JADE3: variants seen among roughly 807,000 people sequenced by gnomAD.
JADE3 encodes the protein protein Jade-3.
A neutral mutation model predicts 50.1 loss-of-function variants in JADE3; 2 were observed. The ratio of observed to expected loss-of-function variants is 0.04; its 90% CI spans 0.02 to 0.13. JADE3 has a LOEUF of 0.13. Among genes scored for constraint, JADE3 ranks in the 10% least tolerant of loss-of-function variants. JADE3 has a pLI of 1.00. For synonymous variants in JADE3, 218 were observed against 232.9 expected (o/e 0.94, Z 0.58); for missense variants, 475 against 634.4 (o/e 0.75, Z 2.70).
intron 1 of JADE3, among the ~76,000 whole-genome samples, chrX:46,980,504 T>A (rs893691581): frequency 2.0e-4 from 22 of 110,519 alleles, no homozygotes; most frequent in Admixed American, 4.9e-4. Flanking sequence ...GAAGTTTTTT[T>A]AAAAATATAA....
intron 1 of JADE3, among the ~76,000 whole-genome samples, chrX:46,913,892 T>TTG (rs1479580565): frequency 6.4e-5 from 7 of 110,167 alleles, no homozygotes; most frequent in African/African-American, 2.0e-4. Context: ...CGCGAGTTGT[T>TTG]TGTGTGTGTG....
At chrX:47,036,401 C>T (rs1239991028) in intron 7 of JADE3, among the ~76,000 whole-genome samples, 12 of 110,840 alleles carry the variant, frequency 1.1e-4, no homozygotes, top group Non-Finnish European at 1.5e-4. Flanking sequence ...ATCAAAACCA[C>T]GATGAGATAC....
intron 4 of JADE3, among the ~76,000 whole-genome samples, chrX:47,005,492 C>T (rs375884664): frequency 1.3e-3 from 140 of 111,938 alleles, no homozygotes; most frequent in Non-Finnish European, 2.4e-3. Context: ...CCACCCACTT[C>T]GGCCTCCCAA....
intron 1 of JADE3, among the ~76,000 whole-genome samples, chrX:46,982,719 C>G (rs1181568094): frequency 9.0e-6 from 1 of 111,321 alleles, no homozygotes; most frequent in African/African-American, 3.3e-5. Context: ...TGTGTATGCC[C>G]ACAGTCACCC....
chrX:47,006,412 T>C (rs1928421361), intron 4 of JADE3, among the ~76,000 whole-genome samples: 1 of 108,599 alleles, frequency 9.2e-6, no homozygotes, highest in Admixed American at 1.0e-4. Flanking sequence ...GCCTCCTAAG[T>C]AGCTGGGACT....
chrX:46,916,232 C>T (rs1375722992), intron 1 of JADE3, among the ~76,000 whole-genome samples: 1 of 112,321 alleles, frequency 8.9e-6, no homozygotes, highest in Non-Finnish European at 1.9e-5. Flanking sequence ...TCACTATATT[C>T]CCAATTAGTA....
intron 1 of JADE3, among the ~76,000 whole-genome samples, chrX:46,951,444 A>G (rs2147116111): frequency 9.3e-6 from 1 of 107,051 alleles, no homozygotes; most frequent in East Asian, 3.0e-4. Context: ...AAAATTAGCC[A>G]GGCATGGTGG....
intron 7 of JADE3, among the ~76,000 whole-genome samples, chrX:47,034,644 G>A (rs185755135): frequency 0.015 from 1,642 of 109,900 alleles, 31 homozygotes; most frequent in African/African-American, 0.052. Context: ...CTGTCACCCA[G>A]GCTGGAGTGC....
intron 1 of JADE3, among the ~76,000 whole-genome samples, chrX:46,982,450 T>A (rs1927776244): frequency 1.8e-5 from 2 of 111,797 alleles, no homozygotes; most frequent in Non-Finnish European, 1.9e-5. Context: ...TTTTGCCTGT[T>A]AAATCTGACA....
chrX:47,021,983 A>T (rs1928805196), intron 4 of JADE3, among the ~76,000 whole-genome samples: 1 of 111,802 alleles, frequency 8.9e-6, no homozygotes, highest in Non-Finnish European at 1.9e-5. Context: ...TTTGTGTCTT[A>T]TTTAAAATAT....
intron 1 of JADE3, among the ~76,000 whole-genome samples, chrX:46,977,231 A>C (rs1199649779): frequency 2.7e-5 from 3 of 111,360 alleles, no homozygotes; most frequent in Non-Finnish European, 5.7e-5. Flanking sequence ...GTGGCAGAGC[A>C]TGCCTGTAAT....
intron 7 of JADE3, 81 bp from the exon 8 acceptor site, chrX:47,038,868 A>G: frequency 1.9e-6 from 1 of 526,850 alleles, no homozygotes; most frequent in Non-Finnish European, 3.4e-6. Flanking sequence ...TCTTAGCTTT[A>G]TGTAACATCG....
chrX:46,956,354 G>A (rs1556346308), intron 1 of JADE3, among the ~76,000 whole-genome samples: 1 of 111,050 alleles, frequency 9.0e-6, no homozygotes, highest in South Asian at 3.8e-4. Context: ...CTGAGCCACC[G>A]CGCTTGGCCC....
In JADE3 at chrX:47,059,599, T is replaced by C. The variant is rs191789323; in HGVS notation, c.*522T>C. ...TCAAACTCACTACTGTCTTCCTTTG[T>C]TCTGCACAAGGTTGAGTTTCTTTCA... On this transcript the variant is annotated 3_prime_UTR_variant, in exon 11 of 11. Transcript: ENST00000614628. 1 of 112,928 alleles carries C rather than the reference T, an allele frequency of 8.9e-6. No individual in the cohort carries two copies. The highest frequency in any genetic ancestry group is 1.9e-5 in the Non-Finnish European group (1 of 53,774). 9.3% of individuals were successfully genotyped at this position (112,928 alleles called of 1,213,427 possible).
At position 47,029,152 on chromosome X, in the gene JADE3, A is replaced by G. The variant is rs369983780; in HGVS notation, c.687+1049A>G. On this transcript the variant is annotated intron_variant, in intron 6 of 10. Coordinates refer to ENST00000614628, the MANE Select transcript of JADE3 (RefSeq NM_014735.5). ...GTGAAAGAAATATAAGGAAACTGCCAATTTAGCATCATATGCCAAGTGTTT... is the reference window on the plus strand; with the variant it reads ...GTGAAAGAAATATAAGGAAACTGCCGATTTAGCATCATATGCCAAGTGTTT... Among the ~76,000 whole-genome samples, 71 of 111,796 alleles carry G rather than the reference A, an allele frequency of 6.4e-4. No individual in the cohort carries two copies. The South Asian group carries it at 0.024, about 38-fold the overall frequency.
In JADE3 at chrX:47,026,043, C is replaced by G. The variant is rs781922863; in HGVS notation, c.475+1129C>G. On this transcript the variant is annotated intron_variant, in intron 5 of 10. Transcript: ENST00000614628. ...TTTTTGTTTTATGTCTTTTCTTGCT[C>G]TGCCCCCTAAGAGGAGAGGGGAGTG... is the stretch of plus-strand genomic sequence containing the variant. Among the ~76,000 whole-genome samples, 5 of 111,358 alleles carry G rather than the reference C, an allele frequency of 4.5e-5. No individual in the cohort carries two copies. The East Asian group carries it at 1.4e-3, about 31-fold the overall frequency.
At chrX:47,029,106 C>T (rs1928963359) in intron 6 of JADE3, among the ~76,000 whole-genome samples, 2 of 111,428 alleles carry the variant, frequency 1.8e-5, no homozygotes, top group East Asian at 2.8e-4. Context: ...TGGTCTGTGC[C>T]CCCAGGGAGA....
At position 47,059,051 on chromosome X, in the gene JADE3, C is replaced by T; in HGVS notation, c.2446C>T (p.Leu816Phe). The T allele has an allele frequency of 8.3e-7, 1 of 1,199,482 alleles. No homozygotes were observed. Among genetic ancestry groups the T allele is most frequent in the South Asian group, 1.8e-5 (1 of 55,569 alleles). ...DCHGKSKTHPLSHSSMQR is the reference protein window; with the variant it reads ...DCHGKSKTHPFSHSSMQR ...CCATGGTAAAAGCAAGACACATCCC[C>T]TTTCCCACAGTTCAATGCAAAGGTG... Residue 816 changes from leucine to phenylalanine, a missense_variant, in exon 11 of 11, where the codon CTT (leucine) becomes TTT (phenylalanine). Transcript: ENST00000614628.
At chrX:46,988,786 C>A (rs1237633375) in intron 3 of JADE3, among the ~76,000 whole-genome samples, 1 of 112,739 alleles carries the variant, frequency 8.9e-6, no homozygotes, top group East Asian at 2.8e-4. Flanking sequence ...ACTGTGAATT[C>A]TTTCTTCCTA....
Sources: allele counts gnomAD v4.1 joint callset (sites outside exome capture counted in the v4.1 genomes callset), GRCh38; gene constraint gnomAD v4.1.1; transcripts MANE v1.5; gene names NCBI Gene and HGNC (gene_info 2026-07-23, HGNC 2026-07-21).